Variants in TRPC5 observed in about 807,000 individuals in gnomAD.
TRPC5 encodes short transient receptor potential channel 5.
Under a neutral mutation model 56.5 loss-of-function variants are expected in TRPC5, and 9 were observed. The ratio of observed to expected loss-of-function variants is 0.16; its 90% confidence interval spans 0.10 to 0.28. TRPC5 has a LOEUF of 0.28. Among genes scored for constraint, TRPC5 ranks in the 10% least tolerant of loss-of-function variants. TRPC5 has a pLI of 1.00. For synonymous variants in TRPC5, 282 were observed against 278.5 expected (o/e 1.01, Z -0.13); for missense variants, 469 against 748.9 (o/e 0.63, Z 4.36).
chrX:112,025,527 CTGACA>C (rs1028996392), intron 1 of TRPC5, among the ~76,000 whole-genome samples: 2 of 111,439 alleles, frequency 1.8e-5, no homozygotes, highest in Non-Finnish European at 3.8e-5. Context: ...TTTTTTTGGC[CTGACA>C]TAAGTTATTG....
At chrX:111,926,228 T>C (rs1926254367) in intron 2 of TRPC5, among the ~76,000 whole-genome samples, 1 of 111,077 alleles carries the variant, frequency 9.0e-6, no homozygotes, top group South Asian at 3.8e-4. Context: ...GTACAGTGCC[T>C]CACTAGGACA....
At chrX:111,919,813 A>C (rs190251826) in intron 2 of TRPC5, among the ~76,000 whole-genome samples, 2 of 111,654 alleles carry the variant, frequency 1.8e-5, no homozygotes, top group South Asian at 3.8e-4. Flanking sequence ...CAAAAAAATC[A>C]CCCAAAAAAA....
At chrX:111,855,571 A>G (rs1923201329) in intron 3 of TRPC5, among the ~76,000 whole-genome samples, 1 of 112,166 alleles carries the variant, frequency 8.9e-6, no homozygotes, top group Admixed American at 9.5e-5. Context: ...GCCTGTCCTA[A>G]AGAAGATTAC....
At chrX:111,940,215 G>A (rs1189727264) in intron 2 of TRPC5, among the ~76,000 whole-genome samples, 1 of 107,235 alleles carries the variant, frequency 9.3e-6, no homozygotes, top group Non-Finnish European at 1.9e-5. Flanking sequence ...TGTTTGTTTA[G>A]TTTCCAGAAT....
intron 1 of TRPC5, among the ~76,000 whole-genome samples, chrX:112,042,550 G>A (rs1262577916): frequency 9.0e-6 from 1 of 111,277 alleles, no homozygotes; most frequent in Non-Finnish European, 1.9e-5. Context: ...TTCTATTCAT[G>A]CTAATGGCTT....
rs761575008 is a variant in TRPC5 at position 111,960,937 on chromosome X, G to A, written c.-21-8496C>T. ...AGTGATTCTTCTGCCTCAACCTCCCGAGTAGTTGGGACTACAGGCATGCAC... is the reference window on the plus strand; with the variant it reads ...AGTGATTCTTCTGCCTCAACCTCCCAAGTAGTTGGGACTACAGGCATGCAC... On this transcript the variant is annotated intron_variant, in intron 1 of 10. Transcript: ENST00000262839. Among the ~76,000 whole-genome samples, 174 of 110,341 alleles carry A rather than the reference G, an allele frequency of 1.6e-3. 1 individual carries two copies. Among genetic ancestry groups the A allele is most frequent in the African/African-American group, 5.5e-3 (166 of 30,345 alleles).
chrX:111,898,787 G>T (rs1054926870), intron 3 of TRPC5, among the ~76,000 whole-genome samples: 2 of 110,207 alleles, frequency 1.8e-5, no homozygotes, highest in African/African-American at 6.6e-5. Flanking sequence ...AATGATTAGG[G>T]GCTTTACCCA....
intron 7 of TRPC5, among the ~76,000 whole-genome samples, chrX:111,811,617 G>A (rs1921711006): frequency 9.0e-6 from 1 of 111,379 alleles, no homozygotes; most frequent in African/African-American, 3.3e-5. Flanking sequence ...AAACAACACA[G>A]AACGGTTTGG....
Position 111,952,403 on chromosome X carries a change from G to A in TRPC5, c.18C>T (p.Tyr6=), listed in dbSNP as rs1927117769. Residue 6 remains tyrosine (Y), a synonymous_variant, in exon 2 of 11, where the codon TAC becomes TAT. Transcript: ENST00000262839. ...TGTACGGTGAGTAGTTGACCTTTTTGTAGTACAGTTGGGCCATGGTTCATA... is the reference window on the plus strand; with the variant it reads ...TGTACGGTGAGTAGTTGACCTTTTTATAGTACAGTTGGGCCATGGTTCATA... MAQLY[Y]KKVNYSPYRD... The A allele has an allele frequency of 8.3e-7, 1 of 1,203,467 alleles. No individual in the cohort carries two copies. Among genetic ancestry groups the A allele is most frequent in the Non-Finnish European group, 1.1e-6 (1 of 892,105 alleles).
At chrX:111,894,977 A>G (rs1422410956) in intron 3 of TRPC5, among the ~76,000 whole-genome samples, 1 of 110,148 alleles carries the variant, frequency 9.1e-6, no homozygotes, top group Non-Finnish European at 1.9e-5. Flanking sequence ...AGCTAATTTT[A>G]TGCATCTGGT....
At chrX:111,990,618 G>T (rs1478248801) in intron 1 of TRPC5, among the ~76,000 whole-genome samples, 1 of 110,616 alleles carries the variant, frequency 9.0e-6, no homozygotes, top group Non-Finnish European at 1.9e-5. Context: ...TTTTTCTTGG[G>T]AGATCAGAGC....
intron 3 of TRPC5, among the ~76,000 whole-genome samples, chrX:111,908,156 A>T (rs181591028): frequency 5.1e-4 from 57 of 112,169 alleles, no homozygotes; most frequent in African/African-American, 1.8e-3. Context: ...ACATATTTTT[A>T]AAAAACTCTA....
intron 5 of TRPC5, among the ~76,000 whole-genome samples, chrX:111,849,105 C>T (rs1420719145): frequency 8.9e-6 from 1 of 112,200 alleles, no homozygotes; most frequent in Non-Finnish European, 1.9e-5. Context: ...CAAAACAGAC[C>T]TATGTTTTAA....
chrX:112,062,362 CA>C (rs904380669), intron 1 of TRPC5, among the ~76,000 whole-genome samples: 29 of 111,169 alleles, frequency 2.6e-4, no homozygotes, highest in African/African-American at 7.2e-4. Flanking sequence ...AACATTAAGA[CA>C]AAAAAATGGC....
intron 6 of TRPC5, among the ~76,000 whole-genome samples, chrX:111,846,640 C>T (rs1922935473): frequency 9.0e-6 from 1 of 111,315 alleles, no homozygotes. Flanking sequence ...TGTCCCCTCT[C>T]GAGATTACAC....
rs147230145 is a variant in TRPC5, at chrX:111,882,914, C to T, written c.901-28808G>A. 6.2e-3 allele frequency among the ~76,000 whole-genome samples: 690 copies of T among 110,891 alleles called. 5 individuals carry two copies. Among genetic ancestry groups the T allele is most frequent in the African/African-American group, 0.021 (635 of 30,485 alleles). The stretch of plus-strand genomic sequence containing the variant: ...CAGCCTGACTAGCATGGTGAAACCC[C>T]GTCTCTACCAAAAATAAAAAAATTA... On this transcript the variant is annotated intron_variant, in intron 3 of 10. Coordinates refer to ENST00000262839, the MANE Select transcript of TRPC5 (RefSeq NM_012471.3).
At chrX:111,812,286 T>G (rs1415543806) in intron 7 of TRPC5, among the ~76,000 whole-genome samples, 1 of 111,309 alleles carries the variant, frequency 9.0e-6, no homozygotes, top group Admixed American at 9.6e-5. Context: ...AGGCAACTTT[T>G]TGTGTGTGTG....
chrX:112,011,507 G>T (rs762043954), intron 1 of TRPC5, among the ~76,000 whole-genome samples: 6 of 111,867 alleles, frequency 5.4e-5, no homozygotes, highest in Admixed American at 1.9e-4. Context: ...ATCTCAAGGA[G>T]TAAATCCAGT....
At chrX:111,908,723 A>T (rs1202685438) in intron 3 of TRPC5, among the ~76,000 whole-genome samples, 2 of 112,373 alleles carry the variant, frequency 1.8e-5, no homozygotes, top group Admixed American at 1.9e-4. Context: ...TTTTTGAATT[A>T]CTTTTCAAAA....
Sources: gnomAD v4.1 joint callset for allele counts (sites outside exome capture counted in the v4.1 genomes callset) on GRCh38, gnomAD v4.1.1 for gene constraint, MANE v1.5 for transcripts, NCBI Gene and HGNC (gene_info 2026-07-23, HGNC 2026-07-21) for gene names.